CDH4: variants seen among roughly 807,000 people sequenced by gnomAD.
CDH4 encodes cadherin-4.
CDH4 carries 33 observed loss-of-function variants against 86.0 expected under a neutral mutation model. The observed-to-expected ratio is 0.38, with a 90% CI of 0.29 to 0.51. CDH4 has a LOEUF of 0.51. CDH4 is among the 20% of genes least tolerant of loss of function. The pLI is 0.86. For synonymous variants in CDH4, 555 were observed against 549.4 expected (o/e 1.01, Z -0.14); for missense variants, 1,114 against 1,307.4 (o/e 0.85, Z 2.28).
chr20:61,552,807 G>A (rs184335566), intron 2 of CDH4, among the ~76,000 whole-genome samples: 1 of 152,194 alleles, frequency 6.6e-6, no homozygotes, highest in African/African-American at 2.4e-5. Context: ...AGGATGTGGA[G>A]ACATTGGAAC....
At chr20:61,665,140 G>C (rs891516129) in intron 2 of CDH4, among the ~76,000 whole-genome samples, 1 of 152,192 alleles carries the variant, frequency 6.6e-6, no homozygotes, top group Non-Finnish European at 1.5e-5. Context: ...AGCCGGATCC[G>C]GGTGCCGCAG....
At chr20:61,644,289 C>T (rs1387353737) in intron 2 of CDH4, among the ~76,000 whole-genome samples, 5 of 152,224 alleles carry the variant, frequency 3.3e-5, no homozygotes, top group African/African-American at 4.8e-5. Context: ...ACGTCACAGG[C>T]GCGTTTTAAT....
rs1568882338 is a variant in CDH4, at chr20:61,910,511, G to A, written c.1278G>A (p.Trp426Ter). ...MDRDQPHSPN[W>*]NAVYRIISGD... ...GAGATCAGCCCCACTCTCCAAACTG[G>A]AATGCCGTTTACCGCATCATCAGTG... Residue 426 changes from tryptophan to a stop codon, truncating the protein, a stop_gained, in exon 9 of 16, where the codon TGG becomes TGA. Coordinates refer to ENST00000614565, the MANE Select transcript of CDH4 (RefSeq NM_001794.5). LOFTEE classifies it high-confidence loss of function. 6.2e-7 allele frequency: 1 copy of A among 1,613,998 alleles called. No individual in the cohort carries two copies. Among genetic ancestry groups the A allele is most frequent in the Non-Finnish European group, 8.5e-7 (1 of 1,180,026 alleles).
intron 5 of CDH4, among the ~76,000 whole-genome samples, chr20:61,852,067 A>G (rs918467521): frequency 2.0e-5 from 3 of 152,120 alleles, no homozygotes; most frequent in Admixed American, 2.0e-4. Flanking sequence ...TTCACCTCGA[A>G]GATGGTTCCT....
At chr20:61,749,339 GAATCACAC>G (rs1480094134) in intron 3 of CDH4, among the ~76,000 whole-genome samples, 8 of 152,172 alleles carry the variant, frequency 5.3e-5, no homozygotes, top group African/African-American at 1.9e-4. Context: ...AAATAGATTA[GAATCACAC>G]AATTAACAGG....
At chr20:61,303,812 C>T (rs2084398709) in intron 2 of CDH4, among the ~76,000 whole-genome samples, 1 of 152,228 alleles carries the variant, frequency 6.6e-6, no homozygotes, top group Admixed American at 6.5e-5. Context: ...GAGGAGCCCA[C>T]GGAAGTCCAG....
rs965368712 is a variant in CDH4, at chr20:61,582,997, G to A, written c.170-160566G>A. Reference sequence around the variant, plus strand: ...ACTTTCTGTCTCTGTCGACTTCCCTGTTCTGGGCACTGCGCATGAGAGAAT... The same window carrying A: ...ACTTTCTGTCTCTGTCGACTTCCCTATTCTGGGCACTGCGCATGAGAGAAT... On this transcript the variant is annotated intron_variant, in intron 2 of 15. Coordinates refer to ENST00000614565, the MANE Select transcript of CDH4 (RefSeq NM_001794.5). This position sits in a 1 kb window ranked among gnomAD's most constrained non-coding sequence, Gnocchi z 4.2. Among the ~76,000 whole-genome samples the A allele has an allele frequency of 6.6e-6, 1 of 151,926 alleles. No individual in the cohort carries two copies. The highest frequency in any genetic ancestry group is 2.4e-5 in the African/African-American group (1 of 41,344).
At chr20:61,710,869 G>A (rs1340873817) in intron 2 of CDH4, among the ~76,000 whole-genome samples, 1 of 152,224 alleles carries the variant, frequency 6.6e-6, no homozygotes, top group Non-Finnish European at 1.5e-5. Context: ...CTGCCCTCAT[G>A]AAGCGCGCCT....
intron 2 of CDH4, among the ~76,000 whole-genome samples, chr20:61,489,827 C>T (rs1187908346): frequency 2.0e-5 from 3 of 152,226 alleles, no homozygotes; most frequent in Non-Finnish European, 4.4e-5. Flanking sequence ...ACATCCTAAA[C>T]CACTGTGCTG....
intron 2 of CDH4, among the ~76,000 whole-genome samples, chr20:61,669,965 G>A (rs540877925): frequency 1.6e-4 from 24 of 152,258 alleles, no homozygotes; most frequent in Middle Eastern, 3.4e-3. Flanking sequence ...GTGGACCCTC[G>A]AGCTGTGTGG....
At chr20:61,483,480 G>A (rs2085578967) in intron 2 of CDH4, among the ~76,000 whole-genome samples, 1 of 152,202 alleles carries the variant, frequency 6.6e-6, no homozygotes, top group South Asian at 2.1e-4. Flanking sequence ...CGCCCATTGA[G>A]CATGAAATTG....
At chr20:61,474,975 T>C (rs967194043) in intron 2 of CDH4, among the ~76,000 whole-genome samples, 15 of 152,208 alleles carry the variant, frequency 9.9e-5, no homozygotes, top group Admixed American at 7.2e-4. Context: ...TAATTTACTT[T>C]CAGTATCTGA....
chr20:61,588,339 G>T (rs1419171917), intron 2 of CDH4, among the ~76,000 whole-genome samples: 1 of 152,218 alleles, frequency 6.6e-6, no homozygotes, highest in Non-Finnish European at 1.5e-5. Flanking sequence ...CAAGTGATTT[G>T]CAACGCTGGT....
intron 2 of CDH4, among the ~76,000 whole-genome samples, chr20:61,513,048 C>T (rs1490682641): frequency 6.6e-6 from 1 of 152,218 alleles, no homozygotes; most frequent in African/African-American, 2.4e-5. Flanking sequence ...ATGAAGGAGG[C>T]CGTGCTGTCA....
At chr20:61,812,828 T>C (rs1027231203) in intron 4 of CDH4, among the ~76,000 whole-genome samples, 1 of 152,192 alleles carries the variant, frequency 6.6e-6, no homozygotes, top group Non-Finnish European at 1.5e-5. Context: ...GGTTGTGCTC[T>C]CCAGGCCATG....
At chr20:61,365,122 C>A (rs2084804072) in intron 2 of CDH4, among the ~76,000 whole-genome samples, 2 of 152,202 alleles carry the variant, frequency 1.3e-5, no homozygotes, top group Admixed American at 1.3e-4. Flanking sequence ...CTATAATGCA[C>A]CTCAGTGCCC....
chr20:61,717,234 C>T (rs770570545), intron 2 of CDH4, among the ~76,000 whole-genome samples: 22 of 152,202 alleles, frequency 1.4e-4, no homozygotes, highest in African/African-American at 2.4e-4. Flanking sequence ...GGCAGGGGAG[C>T]GGGAGCAGCC....
chr20:61,931,943 C>A (rs942440283), intron 13 of CDH4, among the ~76,000 whole-genome samples: 4 of 152,128 alleles, frequency 2.6e-5, no homozygotes, highest in African/African-American at 4.8e-5. Flanking sequence ...CTGAGTGACC[C>A]CCTCGGTACT....
At position 61,772,993 on chromosome 20, in the gene CDH4, C is replaced by A. The variant is rs1329301245; in HGVS notation, c.397-10C>A. ...CTTCTCTGCCTCTTCTCTCCCCTTT[C>A]CAAATAAAGCCGCAGAAAGGAAAGA... On this transcript the variant is annotated splice_polypyrimidine_tract_variant and intron_variant, in intron 3 of 15. Transcript: ENST00000614565. 6.9e-6 allele frequency: 11 copies of A among 1,603,764 alleles called. No homozygotes were observed. The East Asian group carries it at 2.5e-4, about 36-fold the overall frequency.
Sources: allele counts gnomAD v4.1 joint callset (sites outside exome capture counted in the v4.1 genomes callset), GRCh38; gene constraint gnomAD v4.1.1; non-coding constraint Gnocchi (gnomAD v3.1); transcripts MANE v1.5; gene names NCBI Gene and HGNC (gene_info 2026-07-23, HGNC 2026-07-21).